Variants in JCAD observed in about 807,000 individuals in gnomAD.
JCAD encodes junctional cadherin 5 associated.
A neutral mutation model predicts 98.0 loss-of-function variants in JCAD; 40 were observed. The observed-to-expected ratio is 0.41, with a 90% CI of 0.32 to 0.53. The LOEUF (loss-of-function observed/expected upper bound fraction) is 0.53, where lower values mean the gene tolerates loss of function less well. Ranked by LOEUF, JCAD falls within the 20% of genes least tolerant of loss-of-function variation. The pLI is 0.31. For synonymous variants in JCAD, 691 were observed against 682.3 expected, an observed-to-expected ratio of 1.01 and a Z score of -0.20; for missense variants, 1,705 against 1,738.1, an observed-to-expected ratio of 0.98 and a Z score of 0.34.
intron 1 of JCAD, among the ~76,000 whole-genome samples, chr10:30,083,841 A>G (rs1838124614): frequency 6.6e-6 from 1 of 152,138 alleles, no homozygotes; most frequent in Non-Finnish European, 1.5e-5. Flanking sequence ...AGCCTGGGCA[A>G]CATAGTGAGA....
chr10:30,030,661 G>A (rs1373461586), intron 2 of JCAD, among the ~76,000 whole-genome samples: 1 of 152,116 alleles, frequency 6.6e-6, no homozygotes, highest in Non-Finnish European at 1.5e-5. Context: ...ATTGCTAAGA[G>A]AGAGATTGCT....
intron 1 of JCAD, among the ~76,000 whole-genome samples, chr10:30,113,420 AG>A (rs1233923322): frequency 1.3e-5 from 2 of 151,780 alleles, no homozygotes; most frequent in South Asian, 4.2e-4. Context: ...GCGTGGTGGC[AG>A]GCGCCTGTAA....
Position 30,026,175 on chromosome 10 carries a change from T to C in JCAD, c.3973A>G (p.Ile1325Val). ...GGATGCTCCTTCTCTTCCCTGGAGA[T>C]GCTGTCCTTGGACACAGAGAGTGAG... ...GHSLSVSKDS[I>V]SREEKEHPAA... Residue 1325 changes from isoleucine to valine, a missense_variant, in exon 3 of 4, where the codon ATC becomes GTC. Ile to Val is a conservative substitution (Grantham distance 29, BLOSUM62 3). Around this residue, in one of 3 missense-constraint regions of JCAD, gnomAD observed 1,278 missense variants for 1,243.1 expected, o/e 1.03. Transcript: ENST00000375377. 6.2e-7 allele frequency: 1 copy of C among 1,614,202 alleles called. No homozygotes were observed. The highest frequency in any genetic ancestry group is 8.5e-7 in the Non-Finnish European group (1 of 1,180,052).
At chr10:30,103,633 C>A (rs1443098721) in intron 1 of JCAD, among the ~76,000 whole-genome samples, 2 of 146,214 alleles carry the variant, frequency 1.4e-5, no homozygotes, top group Non-Finnish European at 2.9e-5. Context: ...CACACACACC[C>A]ACACACACTC....
intron 1 of JCAD, among the ~76,000 whole-genome samples, chr10:30,087,936 G>A (rs1460748047): frequency 6.6e-6 from 1 of 152,218 alleles, no homozygotes; most frequent in Non-Finnish European, 1.5e-5. Context: ...TGCCTCCCGG[G>A]TTGAAGCCAT....
At chr10:30,037,568 T>C (rs1260417458) in intron 2 of JCAD, among the ~76,000 whole-genome samples, 1 of 152,174 alleles carries the variant, frequency 6.6e-6, no homozygotes, top group Admixed American at 6.5e-5. Context: ...TGAATGACTC[T>C]AGATGACAGG....
chr10:30,030,181 T>A (rs930663655), intron 2 of JCAD, among the ~76,000 whole-genome samples: 2 of 152,228 alleles, frequency 1.3e-5, no homozygotes, highest in Non-Finnish European at 2.9e-5. Context: ...CCGTGGCTCA[T>A]GCCTGTAATC....
intron 3 of JCAD, among the ~76,000 whole-genome samples, chr10:30,022,692 G>A (rs914500570): frequency 3.3e-5 from 5 of 152,156 alleles, no homozygotes; most frequent in African/African-American, 9.7e-5. Flanking sequence ...TCTCCCCTCC[G>A]ATTATGGTCA....
At position 30,016,454 on chromosome 10, in the gene JCAD, A is replaced by G. The variant is rs1484664940; in HGVS notation, c.*1429T>C. ...ATTTAGGGAATGTTAGTTGTCAGGAATACCTTACTTAGAAAGAAGGAAAAA... is the reference window on the plus strand; with the variant it reads ...ATTTAGGGAATGTTAGTTGTCAGGAGTACCTTACTTAGAAAGAAGGAAAAA... On this transcript the variant is annotated 3_prime_UTR_variant, in exon 4 of 4. Coordinates refer to ENST00000375377, the MANE Select transcript of JCAD (RefSeq NM_020848.4). 6.6e-6 allele frequency: 1 copy of G among 152,130 alleles called. No homozygotes were observed. Among genetic ancestry groups the G allele is most frequent in the Non-Finnish European group, 1.5e-5 (1 of 68,028 alleles). The allele number at this position is 152,130 out of a possible 1,614,324, so 9.4% of individuals were successfully genotyped here. A position where few individuals can be genotyped will look rare whatever the true frequency, so the allele number is the denominator to read the frequency against.
At chr10:30,025,568 G>A (rs1212522698) in intron 3 of JCAD, among the ~76,000 whole-genome samples, 1 of 129,088 alleles carries the variant, frequency 7.7e-6, no homozygotes, top group Non-Finnish European at 1.7e-5. Flanking sequence ...GGGAGGGGAG[G>A]GGAGGGAGAA....
intron 1 of JCAD, among the ~76,000 whole-genome samples, chr10:30,070,333 T>C (rs1052166720): frequency 2.6e-5 from 4 of 152,190 alleles, no homozygotes; most frequent in African/African-American, 9.7e-5. Context: ...ACTGATAATT[T>C]AGTGCATTTT....
chr10:30,068,390 C>CAAAAA lies in JCAD; in HGVS notation n.250+1305_250+1309dup, dbSNP rs34060997. Among the ~76,000 whole-genome samples, 62 of 48,164 alleles carry CAAAAA rather than the reference C, an allele frequency of 1.3e-3. 2 individuals are homozygous for CAAAAA. Among genetic ancestry groups the CAAAAA allele is most frequent in the African/African-American group, 3.7e-3 (45 of 12,264 alleles). The allele number at this position is 48,164 out of a possible 152,430, so 31.6% of individuals were successfully genotyped here. A position where few individuals can be genotyped will look rare whatever the true frequency, so the allele number is the denominator to read the frequency against. On this transcript the variant is annotated intron_variant and non_coding_transcript_variant, in intron 2 of 2. Transcript: ENST00000465712. ...TGGGTGAAAGAGCAAAACTCTGTCT[C>CAAAAA]AAAAAAAAAAAAAAAAAAAAAAAAA...
At position 30,067,169 on chromosome 10, in the gene JCAD, CA is replaced by C. The variant is rs1382726512; in HGVS notation, n.250+2530del. Among the ~76,000 whole-genome samples, 1,078 of 122,864 alleles carry C rather than the reference CA, an allele frequency of 8.8e-3. 2 individuals carry two copies. The highest frequency in any genetic ancestry group is 0.013 in the Middle Eastern group (3 of 230). 80.6% of individuals were successfully genotyped at this position (122,864 alleles called of 152,430 possible). A position where few individuals can be genotyped will look rare whatever the true frequency, so the allele number is the denominator to read the frequency against. On this transcript the variant is annotated intron_variant and non_coding_transcript_variant, in intron 2 of 2. Transcript: ENST00000465712. ...TGGGCAACACAGCAAGACCCTGTCT[CA>C]AAAAAAAAAAAAAGAACTATGCAAA...
intron 1 of JCAD, among the ~76,000 whole-genome samples, chr10:30,048,738 TG>T (rs1837408554): frequency 6.6e-6 from 1 of 152,034 alleles, no homozygotes; most frequent in Non-Finnish European, 1.5e-5. Flanking sequence ...GCTAATTTTT[TG>T]TATTTTTTTG....
In JCAD at chr10:30,029,101, G is replaced by A. The variant is rs2132618473; in HGVS notation, c.1047C>T (p.Pro349=). The change falls in exon 3 of 4, where the codon CCC becomes CCT. Residue 349 remains proline, a synonymous_variant. Coordinates refer to ENST00000375377, the MANE Select transcript of JCAD (RefSeq NM_020848.4). ...VYVPPPSYRS[P]PQNIPNPYLE... ...AGTAGGGGTTTGGGATGTTCTGCGG[G>A]GGCGATCTGTATGAGGGCGGAGGCA... 1 of 1,614,184 alleles carries A rather than the reference G, an allele frequency of 6.2e-7. No individual in the cohort carries two copies. The highest frequency in any genetic ancestry group is 1.1e-5 in the South Asian group (1 of 91,078).
At chr10:30,084,717 G>A (rs952242030) in intron 1 of JCAD, among the ~76,000 whole-genome samples, 2 of 152,090 alleles carry the variant, frequency 1.3e-5, no homozygotes, top group Admixed American at 6.6e-5. Context: ...CTCAACTCAC[G>A]CTGAAGATCT....
At chr10:30,047,482 C>T (rs779795615) in intron 2 of JCAD, 50 bp downstream of exon 2, 85 of 1,567,834 alleles carry the variant, frequency 5.4e-5, no homozygotes, top group South Asian at 1.2e-4. Flanking sequence ...CATCACCCAC[C>T]GCCAAACTCC....
intron 1 of JCAD, among the ~76,000 whole-genome samples, chr10:30,096,765 C>T (rs1175172749): frequency 1.3e-5 from 2 of 152,004 alleles, no homozygotes; most frequent in African/African-American, 2.4e-5. Flanking sequence ...CTGCACGACA[C>T]GTGTGTGACT....
intron 1 of JCAD, among the ~76,000 whole-genome samples, chr10:30,111,788 G>A (rs1043314784): frequency 2.6e-5 from 4 of 152,162 alleles, no homozygotes; most frequent in Admixed American, 6.5e-5. Flanking sequence ...GTAGGATGGC[G>A]ATCATAAAAA....
Sources: gnomAD v4.1 joint callset for allele counts (sites outside exome capture counted in the v4.1 genomes callset) on GRCh38, gnomAD v4.1.1 for gene constraint, gnomAD v4.1.1 regional missense constraint, MANE v1.5 for transcripts, NCBI Gene and HGNC (gene_info 2026-07-23, HGNC 2026-07-21) for gene names.